THSD7B: variants seen among roughly 807,000 people sequenced by gnomAD.
THSD7B encodes thrombospondin type 1 domain containing 7B.
A neutral mutation model predicts 213.6 loss-of-function variants in THSD7B; 138 were observed. The ratio of observed to expected loss-of-function variants is 0.65; its 90% CI spans 0.56 to 0.74. The LOEUF is 0.74. THSD7B is among the 30% of genes least tolerant of loss of function. THSD7B has a pLI of 0.00. For missense variants in THSD7B, 1,931 were observed against 1,991.5 expected, an observed-to-expected ratio of 0.97 and a Z score of 0.58; for synonymous variants, 742 against 687.0, an observed-to-expected ratio of 1.08 and a Z score of -1.25.
chr2:137,628,115 A>G (rs927195844), intron 20 of THSD7B, among the ~76,000 whole-genome samples: 2 of 152,226 alleles, frequency 1.3e-5, no homozygotes, highest in African/African-American at 4.8e-5. Flanking sequence ...CAGACACATC[A>G]TGAGTGTTTA....
intron 1 of THSD7B, among the ~76,000 whole-genome samples, chr2:136,855,670 C>T (rs2104967691): frequency 6.6e-6 from 1 of 151,736 alleles, no homozygotes; most frequent in South Asian, 2.1e-4. Flanking sequence ...CGGGGTTTCA[C>T]CATGTTGGCC....
intron 15 of THSD7B, among the ~76,000 whole-genome samples, chr2:137,537,857 T>A (rs1488399870): frequency 2.0e-5 from 3 of 151,688 alleles, no homozygotes; most frequent in Non-Finnish European, 4.4e-5. Flanking sequence ...CTACAATATT[T>A]AAAAAAATAT....
chr2:136,917,745 T>C (rs751537322), intron 2 of THSD7B, among the ~76,000 whole-genome samples: 3 of 152,268 alleles, frequency 2.0e-5, no homozygotes, highest in Non-Finnish European at 4.4e-5. Context: ...CCGTCTGTTC[T>C]GTCACCCTGG....
rs183576408 is a variant in THSD7B, at chr2:137,160,551, C to G, written c.1525+183C>G. Among the ~76,000 whole-genome samples, 7 of 152,312 alleles carry G rather than the reference C, an allele frequency of 4.6e-5. No individual in the cohort carries two copies. In the East Asian group the frequency reaches 1.3e-3, roughly 29 times the overall value. On this transcript the variant is annotated intron_variant, in intron 6 of 27. Coordinates refer to ENST00000409968, the MANE Select transcript of THSD7B (RefSeq NM_001316349.2). ...GGGACATTTCTGTGGAGTGCACAAT[C>G]TCACCTTGATTTACCTTCAGTTAGA... is the stretch of plus-strand genomic sequence containing the variant.
chr2:137,030,942 A>G (rs1422718407), intron 2 of THSD7B, among the ~76,000 whole-genome samples: 1 of 152,222 alleles, frequency 6.6e-6, no homozygotes, highest in African/African-American at 2.4e-5. Context: ...TTCAAAATAA[A>G]TAAGTAAATT....
At chr2:137,200,591 C>T (rs1376577785) in intron 7 of THSD7B, among the ~76,000 whole-genome samples, 9 of 151,938 alleles carry the variant, frequency 5.9e-5, no homozygotes, top group Non-Finnish European at 1.3e-4. Context: ...AATAGAAATT[C>T]CTGACTTCCC....
intron 2 of THSD7B, among the ~76,000 whole-genome samples, chr2:136,914,711 CAT>C (rs1204167352): frequency 6.6e-6 from 1 of 152,178 alleles, no homozygotes; most frequent in Non-Finnish European, 1.5e-5. Context: ...CACCCCCCAC[CAT>C]AATTCTGAGG....
At chr2:137,546,858 C>G (rs2105200985) in intron 15 of THSD7B, among the ~76,000 whole-genome samples, 1 of 151,884 alleles carries the variant, frequency 6.6e-6, no homozygotes, top group Middle Eastern at 3.4e-3. Flanking sequence ...ACCTTACCAA[C>G]AGTAGTCTTT....
At chr2:136,917,476 A>T (rs1263389746) in intron 2 of THSD7B, among the ~76,000 whole-genome samples, 2 of 152,156 alleles carry the variant, frequency 1.3e-5, no homozygotes, top group Admixed American at 6.5e-5. Context: ...TTGAGCTCTC[A>T]GCTGGGGGTG....
At chr2:137,339,419 A>G (rs10204990) in intron 12 of THSD7B, among the ~76,000 whole-genome samples, 24,221 of 151,978 alleles carry the variant, frequency 0.16, 2,108 homozygotes, top group South Asian at 0.27. Flanking sequence ...ATTCTTGGGG[A>G]TGTGAGAATG....
chr2:137,625,163 A>T (rs1046745883), intron 20 of THSD7B, among the ~76,000 whole-genome samples: 16 of 152,170 alleles, frequency 1.1e-4, no homozygotes, highest in African/African-American at 3.6e-4. Flanking sequence ...TGATGAGTTC[A>T]TGTCCTTTTT....
chr2:137,201,281 G>A (rs1053487014), intron 7 of THSD7B, among the ~76,000 whole-genome samples: 2 of 152,102 alleles, frequency 1.3e-5, no homozygotes, highest in Admixed American at 6.5e-5. Flanking sequence ...GTGTGCATGT[G>A]CATGTGTGCA....
intron 2 of THSD7B, among the ~76,000 whole-genome samples, chr2:136,966,677 A>G (rs999889622): frequency 3.3e-5 from 5 of 152,040 alleles, no homozygotes; most frequent in African/African-American, 1.2e-4. Context: ...CTTAGCTCCT[A>G]TTCAGCCGAT....
chr2:137,635,105 C>G (rs1483847438), intron 20 of THSD7B, among the ~76,000 whole-genome samples: 1 of 152,090 alleles, frequency 6.6e-6, no homozygotes, highest in East Asian at 1.9e-4. Flanking sequence ...GGAAAAGGCT[C>G]AGAGAGGAGA....
chr2:137,363,616 G>T (rs139974386), intron 12 of THSD7B, among the ~76,000 whole-genome samples: 5,506 of 152,216 alleles, frequency 0.036, 343 homozygotes, highest in African/African-American at 0.13. Flanking sequence ...ACAGCTCTAC[G>T]CAAATAAACT....
intron 7 of THSD7B, among the ~76,000 whole-genome samples, chr2:137,218,511 G>T (rs891586157): frequency 4.7e-5 from 7 of 147,582 alleles, no homozygotes; most frequent in Admixed American, 1.4e-4. Flanking sequence ...TGGTAGGTGA[G>T]TTTGGGGAAG....
chr2:136,864,462 T>A (rs1164604182), intron 1 of THSD7B, among the ~76,000 whole-genome samples: 5 of 152,260 alleles, frequency 3.3e-5, no homozygotes, highest in African/African-American at 1.2e-4. Context: ...AAAAATTTAA[T>A]GTATGTATTT....
chr2:137,003,323 A>G (rs1402803802), intron 2 of THSD7B, among the ~76,000 whole-genome samples: 2 of 152,230 alleles, frequency 1.3e-5, no homozygotes, highest in Admixed American at 1.3e-4. Flanking sequence ...GAGCATTCCA[A>G]GAACAAGAAA....
chr2:137,670,777 C>A (rs1683547255), intron 27 of THSD7B, among the ~76,000 whole-genome samples: 1 of 151,886 alleles, frequency 6.6e-6, no homozygotes, highest in Admixed American at 6.6e-5. Context: ...AAAAATTAGC[C>A]AGGTGTGGTG....
Sources: gnomAD v4.1 joint callset for allele counts (sites outside exome capture counted in the v4.1 genomes callset) on GRCh38, gnomAD v4.1.1 for gene constraint, MANE v1.5 for transcripts, NCBI Gene and HGNC (gene_info 2026-07-23, HGNC 2026-07-21) for gene names.